ZNF654: variants seen among roughly 807,000 people sequenced by gnomAD.
ZNF654 encodes melanoma-associated antigen.
Under a neutral mutation model 95.3 loss-of-function variants are expected in ZNF654, and 19 were observed. The observed-to-expected ratio is 0.20, with a 90% CI of 0.14 to 0.29. The LOEUF (loss-of-function observed/expected upper bound fraction) is 0.29, where lower values mean the gene tolerates loss of function less well. Among genes scored for constraint, ZNF654 ranks in the 10% least tolerant of loss-of-function variants. ZNF654 has a pLI of 1.00. For missense variants in ZNF654, 1,046 were observed against 1,341.0 expected (o/e 0.78, Z 3.44); for synonymous variants, 413 against 457.9 (o/e 0.90, Z 1.25).
intron 2 of ZNF654, among the ~76,000 whole-genome samples, chr3:88,104,817 T>C (rs1704634921): frequency 1.3e-5 from 2 of 152,194 alleles, no homozygotes; most frequent in Admixed American, 1.3e-4. Context: ...ATTAAGATGA[T>C]AGGGTTTAAT....
intron 1 of ZNF654, among the ~76,000 whole-genome samples, chr3:88,077,255 T>C (rs1003652540): frequency 6.6e-6 from 1 of 152,112 alleles, no homozygotes; most frequent in East Asian, 1.9e-4. Context: ...CTCACCAATA[T>C]AGGCAGTGTG....
intron 2 of ZNF654, among the ~76,000 whole-genome samples, chr3:88,088,819 T>G (rs2107671203): frequency 6.6e-6 from 1 of 151,998 alleles, no homozygotes; most frequent in African/African-American, 2.4e-5. Flanking sequence ...GTCGCCTAGG[T>G]TGGAGTACAG....
rs73844843 is a variant in ZNF654, at chr3:88,060,416, C to T, written c.186+911C>T. 3.0e-3 allele frequency among the ~76,000 whole-genome samples: 460 copies of T among 152,258 alleles called. 3 individuals are homozygous for T. Among genetic ancestry groups the T allele is most frequent in the African/African-American group, 0.011 (442 of 41,540 alleles). On this transcript the variant is annotated intron_variant, in intron 1 of 8. Transcript: ENST00000636215. ...TTGTGTACTCTGCATTCTCATCTAC[C>T]TGCATTTGTAATTTAAACGGTTTGT...
chr3:88,133,864 T>G (rs1706609291), intron 6 of ZNF654, among the ~76,000 whole-genome samples: 1 of 152,118 alleles, frequency 6.6e-6, no homozygotes, highest in Non-Finnish European at 1.5e-5. Flanking sequence ...ACTTGAAATG[T>G]AAAGACACTG....
At chr3:88,141,422 GC>G (rs1220720934) in intron 8 of ZNF654, among the ~76,000 whole-genome samples, 1 of 151,942 alleles carries the variant, frequency 6.6e-6, no homozygotes, top group Non-Finnish European at 1.5e-5. Flanking sequence ...TTTTTCATAT[GC>G]ATTCCAGAAT....
At position 88,135,314 on chromosome 3, in the gene ZNF654, T is replaced by G. The variant is rs1190667227; in HGVS notation, c.1035+112T>G. On this transcript the variant is annotated intron_variant, in intron 7 of 8. Transcript: ENST00000636215. ...TTTAAAACTGAAGGAAAGGAGGATTTTAAGGCCACATTCTCCATACATTAC... is the reference window on the plus strand; with the variant it reads ...TTTAAAACTGAAGGAAAGGAGGATTGTAAGGCCACATTCTCCATACATTAC... The G allele has an allele frequency of 1.6e-5, 14 of 872,918 alleles. No homozygotes were observed. The East Asian group carries it at 4.2e-4, about 26-fold the overall frequency. The allele number at this position is 872,918 out of a possible 1,614,324, so 54.1% of individuals were successfully genotyped here.
intron 1 of ZNF654, among the ~76,000 whole-genome samples, chr3:88,085,212 G>A (rs1708278616): frequency 6.6e-6 from 1 of 152,124 alleles, no homozygotes; most frequent in Admixed American, 6.5e-5. Context: ...TGTATCAGGA[G>A]TCAGCAAACT....
chr3:88,091,692 G>T (rs192318161), intron 2 of ZNF654, among the ~76,000 whole-genome samples: 6 of 152,200 alleles, frequency 3.9e-5, no homozygotes, highest in Admixed American at 3.3e-4. Context: ...TCATGGGGTC[G>T]GGTTTTTCCT....
intron 3 of ZNF654, among the ~76,000 whole-genome samples, chr3:88,124,186 T>A (rs1364199668): frequency 6.6e-6 from 1 of 152,232 alleles, no homozygotes; most frequent in African/African-American, 2.4e-5. Flanking sequence ...CTAGGCACTG[T>A]TCCAAGCACT....
chr3:88,076,970 A>T (rs1397590748), intron 1 of ZNF654, among the ~76,000 whole-genome samples: 2 of 152,190 alleles, frequency 1.3e-5, no homozygotes, highest in Admixed American at 6.5e-5. Flanking sequence ...AACCTTGGCC[A>T]GGAGCTGAGA....
At chr3:88,086,218 A>C (rs1444345193) in intron 1 of ZNF654, 39 bp from the exon 2 acceptor site, 1 of 1,492,252 alleles carries the variant, frequency 6.7e-7, no homozygotes, top group African/African-American at 1.4e-5. Context: ...GATGTTGAGA[A>C]CTTTTTCTAT....
intron 2 of ZNF654, among the ~76,000 whole-genome samples, chr3:88,097,950 A>G (rs1231539174): frequency 6.6e-6 from 1 of 152,206 alleles, no homozygotes; most frequent in East Asian, 1.9e-4. Context: ...AACAAATTCA[A>G]AAGCTAGCAG....
At chr3:88,061,149 G>T (rs6806879) in intron 1 of ZNF654, among the ~76,000 whole-genome samples, 5 of 151,918 alleles carry the variant, frequency 3.3e-5, no homozygotes, top group African/African-American at 1.2e-4. Flanking sequence ...GGTAGATTTT[G>T]TATCTATAGG....
chr3:88,062,413 G>T (rs148871322), intron 1 of ZNF654, among the ~76,000 whole-genome samples: 115 of 152,260 alleles, frequency 7.6e-4, no homozygotes, highest in South Asian at 1.7e-3. Flanking sequence ...GATGTGAAAG[G>T]AAAAAGAAGT....
At chr3:88,133,017 CTG>C (rs1315122779) in intron 6 of ZNF654, among the ~76,000 whole-genome samples, 1 of 152,160 alleles carries the variant, frequency 6.6e-6, no homozygotes, top group African/African-American at 2.4e-5. Context: ...TTTTCAAAAT[CTG>C]TTTCTTTTCT....
At chr3:88,101,427 A>G (rs932176180) in intron 2 of ZNF654, among the ~76,000 whole-genome samples, 2 of 152,224 alleles carry the variant, frequency 1.3e-5, no homozygotes, top group African/African-American at 4.8e-5. Context: ...ATTTAAAAAT[A>G]GTCTTGCGAA....
rs191542628 is a variant in ZNF654 at position 88,065,128 on chromosome 3, T to C, written c.186+5623T>C. 4.3e-4 allele frequency among the ~76,000 whole-genome samples: 65 copies of C among 152,354 alleles called. No homozygotes were observed. The East Asian group carries it at 0.012, about 28-fold the overall frequency. The stretch of plus-strand genomic sequence containing the variant: ...ATGAAAATTTTAGCTTTTTAAAAAG[T>C]TTTCAAATTTTGGCACATTTGGGAT... On this transcript the variant is annotated intron_variant, in intron 1 of 8. Transcript: ENST00000636215.
intron 2 of ZNF654, among the ~76,000 whole-genome samples, chr3:88,094,582 T>C (rs1703945151): frequency 6.6e-6 from 1 of 152,142 alleles, no homozygotes; most frequent in African/African-American, 2.4e-5. Context: ...TTGATAGTTC[T>C]CTTGGTCAGT....
At chr3:88,119,547 AT>A (rs1467455808) in intron 3 of ZNF654, among the ~76,000 whole-genome samples, 5 of 151,412 alleles carry the variant, frequency 3.3e-5, no homozygotes, top group Non-Finnish European at 7.4e-5. Flanking sequence ...ATAATAATAA[AT>A]TAAAAAAAAA....
Sources: gnomAD v4.1 joint callset for allele counts (sites outside exome capture counted in the v4.1 genomes callset) on GRCh38, gnomAD v4.1.1 for gene constraint, MANE v1.5 for transcripts, NCBI Gene and HGNC (gene_info 2026-07-23, HGNC 2026-07-21) for gene names.